The following ST6GALNAC3 variants were observed in gnomAD, a reference collection of about 807,000 sequenced individuals.
The protein encoded by ST6GALNAC3 is ST6 N-acetylgalactosaminide alpha-2,6-sialyltransferase 3, also known as alpha-N-acetylgalactosaminide alpha-2,6-sialyltransferase 3.
Under a neutral mutation model 32.7 loss-of-function variants are expected in ST6GALNAC3, and 25 were observed. The ratio of observed to expected loss-of-function variants is 0.76; its 90% CI spans 0.56 to 1.07. The LOEUF is 1.07. Among genes scored for constraint, ST6GALNAC3 ranks in the 50% least tolerant of loss-of-function variants. The pLI, the probability that ST6GALNAC3 is intolerant of heterozygous loss-of-function variation, is 0.00. For synonymous variants in ST6GALNAC3, 129 were observed against 133.1 expected, an observed-to-expected ratio of 0.97 and a Z score of 0.21; for missense variants, 355 against 382.4, an observed-to-expected ratio of 0.93 and a Z score of 0.60.
intron 1 of ST6GALNAC3, among the ~76,000 whole-genome samples, chr1:76,118,937 C>T (rs1385940280): frequency 6.6e-6 from 1 of 152,174 alleles, no homozygotes; most frequent in Admixed American, 6.5e-5. Context: ...ATTCTCTTGC[C>T]TCAGCCTCCT....
intron 1 of ST6GALNAC3, among the ~76,000 whole-genome samples, chr1:76,212,755 G>A (rs1210040482): frequency 1.3e-5 from 2 of 152,146 alleles, no homozygotes; most frequent in African/African-American, 4.8e-5. Flanking sequence ...AATTAATCAT[G>A]AAATGTTTCA....
intron 1 of ST6GALNAC3, among the ~76,000 whole-genome samples, chr1:76,241,445 A>G (rs1164041856): frequency 6.6e-6 from 1 of 152,114 alleles, no homozygotes; most frequent in African/African-American, 2.4e-5. Flanking sequence ...CCCTTAAACA[A>G]CCAGCTCTAG....
chr1:76,576,859 T>G (rs552841081), intron 3 of ST6GALNAC3: 1 of 1,304,974 alleles, frequency 7.7e-7, no homozygotes, highest in South Asian at 1.2e-5. Context: ...AGAGTGACCA[T>G]GCAGTGTTGA....
Position 76,509,194 on chromosome 1 carries a change from T to C in ST6GALNAC3, c.623+96777T>C, listed in dbSNP as rs1661677580. Reference sequence around the variant, plus strand: ...AGTATCTCTATCACTCAGTGCAGTCTAGGACAAATAAACAGGCAAACAAAC... The same window carrying C: ...AGTATCTCTATCACTCAGTGCAGTCCAGGACAAATAAACAGGCAAACAAAC... On this transcript the variant is annotated intron_variant, in intron 3 of 4. Coordinates refer to ENST00000328299, the MANE Select transcript of ST6GALNAC3 (RefSeq NM_152996.4). The surrounding 1 kb of genome is among the most constrained non-coding windows in gnomAD (Gnocchi z 5.5). Among the ~76,000 whole-genome samples, 1 of 152,180 alleles carries C rather than the reference T, an allele frequency of 6.6e-6. No homozygotes were observed. The highest frequency in any genetic ancestry group is 2.4e-5 in the African/African-American group (1 of 41,458).
chr1:76,211,774 G>A (rs1024985757), intron 1 of ST6GALNAC3, among the ~76,000 whole-genome samples: 2 of 152,010 alleles, frequency 1.3e-5, no homozygotes, highest in Non-Finnish European at 2.9e-5. Flanking sequence ...ATCACACACC[G>A]GGGCCTGTTG....
chr1:76,457,917 C>CA (rs1433751834), intron 3 of ST6GALNAC3, among the ~76,000 whole-genome samples: 192 of 149,508 alleles, frequency 1.3e-3, no homozygotes, highest in African/African-American at 4.2e-3. Flanking sequence ...TTCTGCACAG[C>CA]AAAAAAAACT....
chr1:76,374,997 C>T (rs1651110377), intron 2 of ST6GALNAC3, among the ~76,000 whole-genome samples: 1 of 152,096 alleles, frequency 6.6e-6, no homozygotes. Context: ...GCTATACCTG[C>T]TGTTCTGTTT....
chr1:76,129,724 A>AT (rs917854176), intron 1 of ST6GALNAC3, among the ~76,000 whole-genome samples: 2 of 151,884 alleles, frequency 1.3e-5, no homozygotes, highest in African/African-American at 2.4e-5. Flanking sequence ...CATGGCAAAG[A>AT]TTTTTTTTCC....
intron 1 of ST6GALNAC3, among the ~76,000 whole-genome samples, chr1:76,201,086 A>T (rs1034417572): frequency 6.6e-6 from 1 of 152,242 alleles, no homozygotes; most frequent in Non-Finnish European, 1.5e-5. Context: ...GGCCAAGATT[A>T]TTAAATTCTT....
At chr1:76,123,818 C>T (rs1570073701) in intron 1 of ST6GALNAC3, among the ~76,000 whole-genome samples, 1 of 131,666 alleles carries the variant, frequency 7.6e-6, no homozygotes, top group Admixed American at 9.0e-5. Context: ...TGCATGATCT[C>T]GGCTCACTGC....
chr1:76,386,780 C>T (rs9437145), intron 2 of ST6GALNAC3, among the ~76,000 whole-genome samples: 48,414 of 151,900 alleles, frequency 0.32, 8,722 homozygotes, highest in Middle Eastern at 0.43. Context: ...TTATTCTTCA[C>T]CTCTGTGTAG....
intron 1 of ST6GALNAC3, among the ~76,000 whole-genome samples, chr1:76,289,161 C>G (rs1161630729): frequency 6.6e-6 from 1 of 152,230 alleles, no homozygotes; most frequent in African/African-American, 2.4e-5. Flanking sequence ...ATCTCAACCT[C>G]TATTTGCTAC....
intron 2 of ST6GALNAC3, among the ~76,000 whole-genome samples, chr1:76,365,069 A>T (rs1650262679): frequency 6.6e-6 from 1 of 152,238 alleles, no homozygotes; most frequent in South Asian, 2.1e-4. Context: ...TCATGAAAAC[A>T]ACCTAAGTGT....
At chr1:76,396,844 T>C (rs752506271) in intron 2 of ST6GALNAC3, among the ~76,000 whole-genome samples, 10 of 152,212 alleles carry the variant, frequency 6.6e-5, no homozygotes, top group Non-Finnish European at 1.2e-4. Context: ...AGCATTTTGG[T>C]TTAATCTTGA....
chr1:76,635,288 A>G (rs571875312), downstream of ST6GALNAC3, among the ~76,000 whole-genome samples: 185 of 152,256 alleles, frequency 1.2e-3, no homozygotes, highest in Non-Finnish European at 1.3e-3. Flanking sequence ...TCTTTTAACA[A>G]ATCAGCTTAT....
chr1:76,254,712 GT>G (rs568045942), intron 1 of ST6GALNAC3, among the ~76,000 whole-genome samples: 87 of 151,862 alleles, frequency 5.7e-4, no homozygotes, highest in African/African-American at 1.9e-3. Context: ...CATTAAGCTG[GT>G]TTTTTTTCCC....
At chr1:76,106,323 C>T (rs968572130) in intron 1 of ST6GALNAC3, among the ~76,000 whole-genome samples, 2 of 152,180 alleles carry the variant, frequency 1.3e-5, no homozygotes, top group African/African-American at 2.4e-5. Flanking sequence ...CTCTAGCCCT[C>T]ATCCCTTGGA....
At chr1:76,529,153 G>A (rs983622469) in intron 3 of ST6GALNAC3, among the ~76,000 whole-genome samples, 1 of 152,076 alleles carries the variant, frequency 6.6e-6, no homozygotes, top group African/African-American at 2.4e-5. Context: ...AATATTGTAT[G>A]CTGAAATTCA....
chr1:76,390,333 A>G (rs1313436517), intron 2 of ST6GALNAC3, among the ~76,000 whole-genome samples: 3 of 152,170 alleles, frequency 2.0e-5, no homozygotes, highest in Non-Finnish European at 4.4e-5. Context: ...AAAGGAATTT[A>G]TTGAATTTAA....
Sources: gnomAD v4.1 joint callset for allele counts (sites outside exome capture counted in the v4.1 genomes callset) on GRCh38, gnomAD v4.1.1 for gene constraint, Gnocchi (gnomAD v3.1) non-coding constraint, MANE v1.5 for transcripts, NCBI Gene and HGNC (gene_info 2026-07-23, HGNC 2026-07-21) for gene names.